Variants in UBXN2A observed in about 807,000 individuals in gnomAD.
The protein encoded by UBXN2A is UBX domain-containing protein 2A.
Under a neutral mutation model 28.4 loss-of-function variants are expected in UBXN2A, and 28 were observed. That is an observed-to-expected ratio of 0.99 (90% confidence interval 0.73 to 1.35). The LOEUF is 1.35. Among genes scored for constraint, UBXN2A ranks in the 40% most tolerant of loss-of-function variants. The pLI is 0.00. For missense variants in UBXN2A, 253 were observed against 297.9 expected, an observed-to-expected ratio of 0.85 and a Z score of 1.11; for synonymous variants, 97 against 103.6, an observed-to-expected ratio of 0.94 and a Z score of 0.39.
intron 2 of UBXN2A, among the ~76,000 whole-genome samples, chr2:23,966,143 TC>T (rs1212004629): frequency 6.6e-6 from 1 of 152,046 alleles, no homozygotes; most frequent in East Asian, 1.9e-4. Context: ...GTAGTTATTT[TC>T]TTTTTTTTTT....
chr2:23,944,162 G>C, intron 1 of UBXN2A: 2 of 1,147,496 alleles, frequency 1.7e-6, no homozygotes, highest in Non-Finnish European at 2.6e-6. Context: ...ATTGGTCCCT[G>C]TGTCTGGGGC....
chr2:23,966,981 A>G (rs920289725), intron 2 of UBXN2A, among the ~76,000 whole-genome samples: 2 of 151,496 alleles, frequency 1.3e-5, no homozygotes, highest in African/African-American at 2.4e-5. Flanking sequence ...CTGGTCTCCA[A>G]TCCTGGGCTC....
chr2:23,931,210 G>A (rs1013986023), intron 1 of UBXN2A, among the ~76,000 whole-genome samples: 30 of 151,964 alleles, frequency 2.0e-4, no homozygotes, highest in African/African-American at 6.8e-4. Context: ...CACTTTGGGG[G>A]CCAAGGCAGG....
intron 6 of UBXN2A, among the ~76,000 whole-genome samples, chr2:23,985,103 T>A (rs933541024): frequency 4.6e-5 from 7 of 152,012 alleles, no homozygotes; most frequent in African/African-American, 1.7e-4. Flanking sequence ...TGCCAGCTAA[T>A]TTTAAAAATT....
At position 23,958,374 on chromosome 2, in the gene UBXN2A, A is replaced by G; in HGVS notation, c.41+19A>G. ...AAGAATGGTAAGTTAATTCAAACTG[A>G]ATTGCTTTGTTAATGCCTTTGTTAA... is the stretch of plus-strand genomic sequence containing the variant. On this transcript the variant is annotated intron_variant, in intron 2 of 6. Transcript: ENST00000309033. 1 of 1,594,536 alleles carries G rather than the reference A, an allele frequency of 6.3e-7. No homozygotes were observed. The highest frequency in any genetic ancestry group is 8.5e-7 in the Non-Finnish European group (1 of 1,172,518).
chr2:23,962,684 C>A (rs991435428), intron 2 of UBXN2A, among the ~76,000 whole-genome samples: 7 of 147,152 alleles, frequency 4.8e-5, no homozygotes, highest in African/African-American at 1.8e-4. Flanking sequence ...CGGCTCATGG[C>A]AGCCTCAGCC....
In UBXN2A at chr2:23,961,795, C is replaced by G. The variant is rs552851041; in HGVS notation, c.41+3440C>G. Among the ~76,000 whole-genome samples the G allele has an allele frequency of 5.1e-3, 771 of 149,882 alleles. 5 individuals carry two copies. The highest frequency in any genetic ancestry group is 0.018 in the African/African-American group (733 of 40,720). On this transcript the variant is annotated intron_variant, in intron 2 of 6. Coordinates refer to ENST00000309033, the MANE Select transcript of UBXN2A (RefSeq NM_181713.4). Reference sequence around the variant, plus strand: ...TCTCTTGACGTCATGATCTGCCTGCCTCGGACTCCCATAGTGCTGGGATTA... The same window carrying G: ...TCTCTTGACGTCATGATCTGCCTGCGTCGGACTCCCATAGTGCTGGGATTA...
chr2:23,991,406 T>TACACACACACACACACAC (rs371442810), intron 6 of UBXN2A, among the ~76,000 whole-genome samples: 26 of 148,524 alleles, frequency 1.8e-4, no homozygotes, highest in African/African-American at 4.2e-4. Flanking sequence ...TTTTATTTTA[T>TACACACACACACACACAC]ACACACACAC....
At chr2:23,938,926 A>G (rs1408424764), upstream of UBXN2A, among the ~76,000 whole-genome samples, 2 of 152,150 alleles carry the variant, frequency 1.3e-5, no homozygotes, top group Non-Finnish European at 2.9e-5. Context: ...AATGGGATCA[A>G]TTTAACTCCT....
At chr2:23,995,122 G>A (rs1708480193) in intron 6 of UBXN2A, among the ~76,000 whole-genome samples, 1 of 152,072 alleles carries the variant, frequency 6.6e-6, no homozygotes, top group Admixed American at 6.6e-5. Flanking sequence ...ATTTGTTACG[G>A]TTTTCTGGTC....
chr2:23,928,392 A>G (rs1268765254), intron 1 of UBXN2A, among the ~76,000 whole-genome samples: 3 of 152,148 alleles, frequency 2.0e-5, no homozygotes, highest in Non-Finnish European at 4.4e-5. Flanking sequence ...CCTGGCCAAC[A>G]TGGTGAAACC....
rs533119467 is a variant in UBXN2A at position 23,933,614 on chromosome 2, CAG to C, written c.-137-5925_-137-5924del. ...GTAAGTACCTGTAGTCCCAGCTACT[CAG>C]GGGGCTGAGGCAGGAGGATCACTTG... On this transcript the variant is annotated intron_variant, in intron 1 of 7. Coordinates refer to the UBXN2A transcript ENST00000404924. Among the ~76,000 whole-genome samples the C allele has an allele frequency of 1.1e-3, 171 of 152,222 alleles. 1 individual carries two copies. The highest frequency in any genetic ancestry group is 4.0e-3 in the African/African-American group (167 of 41,520).
chr2:23,949,390 C>T (rs937877557), intron 1 of UBXN2A, among the ~76,000 whole-genome samples: 22 of 151,566 alleles, frequency 1.5e-4, no homozygotes, highest in Non-Finnish European at 3.2e-4. Context: ...GCTAACACAT[C>T]GAAACCCTGT....
intron 1 of UBXN2A, 120 bp downstream of exon 1, chr2:23,940,768 G>T (rs866468200): frequency 6.6e-6 from 1 of 152,138 alleles, no homozygotes; most frequent in Non-Finnish European, 1.5e-5. Flanking sequence ...GTCGGTGTCG[G>T]GGGGAGTCTC....
intron 1 of UBXN2A, among the ~76,000 whole-genome samples, chr2:23,928,705 G>A (rs1433602338): frequency 2.6e-5 from 4 of 152,162 alleles, no homozygotes; most frequent in Non-Finnish European, 5.9e-5. Context: ...ATGACCAAAT[G>A]GCATCAAACT....
chr2:23,982,882 C>A lies in UBXN2A; in HGVS notation c.288-14C>A. On this transcript the variant is annotated splice_polypyrimidine_tract_variant and intron_variant, in intron 4 of 6. Coordinates refer to ENST00000309033, the MANE Select transcript of UBXN2A (RefSeq NM_181713.4). ...CATTGGGAGCTTTATCATTTTCTTT[C>A]TTTGTTTTCCAAGGGAATTACCTTC... 5.7e-6 allele frequency: 9 copies of A among 1,577,864 alleles called. No homozygotes were observed. The highest frequency in any genetic ancestry group is 7.7e-6 in the Non-Finnish European group (9 of 1,164,108).
chr2:24,004,405 C>T lies in UBXN2A; in HGVS notation c.*4538C>T, dbSNP rs943219452. The T allele has an allele frequency of 3.9e-5, 6 of 152,192 alleles. No homozygotes were observed. The highest frequency in any genetic ancestry group is 7.3e-5 in the Non-Finnish European group (5 of 68,034). The allele number at this position is 152,192 out of a possible 1,614,324, so 9.4% of individuals were successfully genotyped here. On this transcript the variant is annotated 3_prime_UTR_variant, in exon 7 of 7. Transcript: ENST00000309033. ...GCACGGTGACTCATGCCTGCAATCCCAGCACTTTGGGAGGCTGAGGTGGAT... is the reference window on the plus strand; with the variant it reads ...GCACGGTGACTCATGCCTGCAATCCTAGCACTTTGGGAGGCTGAGGTGGAT...
chr2:23,951,333 A>G (rs892818735), intron 1 of UBXN2A, among the ~76,000 whole-genome samples: 8 of 150,274 alleles, frequency 5.3e-5, no homozygotes, highest in Admixed American at 1.3e-4. Flanking sequence ...CATGTCTGAT[A>G]TATAGTAGGT....
intron 4 of UBXN2A, among the ~76,000 whole-genome samples, chr2:23,982,294 G>A (rs534843430): frequency 3.3e-5 from 5 of 152,092 alleles, no homozygotes; most frequent in Non-Finnish European, 5.9e-5. Flanking sequence ...GTGAACCCGG[G>A]AGGCGGAGCT....
Sources: gnomAD v4.1 joint callset for allele counts (sites outside exome capture counted in the v4.1 genomes callset) on GRCh38, gnomAD v4.1.1 for gene constraint, MANE v1.5 for transcripts, NCBI Gene and HGNC (gene_info 2026-07-23, HGNC 2026-07-21) for gene names.